Variants in MAPK10 observed in about 807,000 individuals in gnomAD.
MAPK10 encodes JNK3 alpha protein kinase.
Under a neutral mutation model 59.3 loss-of-function variants are expected in MAPK10, and 25 were observed. The observed-to-expected ratio is 0.42, with a 90% CI of 0.31 to 0.59. The LOEUF (loss-of-function observed/expected upper bound fraction) is 0.59. MAPK10 is among the 20% of genes least tolerant of loss of function. The pLI is 0.15. For missense variants in MAPK10, 351 were observed against 568.9 expected (o/e 0.62, Z 3.90); for synonymous variants, 190 against 200.5 (o/e 0.95, Z 0.44).
At chr4:86,104,215 T>C (rs2056117036) in intron 5 of MAPK10, among the ~76,000 whole-genome samples, 1 of 152,090 alleles carries the variant, frequency 6.6e-6, no homozygotes, top group Admixed American at 6.6e-5. Flanking sequence ...TATGGAATGT[T>C]TTATGTCTCA....
intron 4 of MAPK10, among the ~76,000 whole-genome samples, chr4:86,113,911 C>A (rs1237702304): frequency 6.6e-6 from 1 of 152,106 alleles, no homozygotes; most frequent in Non-Finnish European, 1.5e-5. Context: ...TTGTTCATTC[C>A]TTTTCATTCT....
At chr4:86,359,300 G>C (rs1428402188) in intron 1 of MAPK10, among the ~76,000 whole-genome samples, 1,007 of 84,722 alleles carry the variant, frequency 0.012, 9 homozygotes, top group South Asian at 0.019. Context: ...GTGTGTGTGT[G>C]TGTGTGTGTG....
At chr4:86,134,366 C>G (rs2061520194) in intron 4 of MAPK10, among the ~76,000 whole-genome samples, 1 of 152,104 alleles carries the variant, frequency 6.6e-6, no homozygotes, top group South Asian at 2.1e-4. Context: ...TCTAGCCAGC[C>G]AGACAAATTG....
chr4:86,272,374 C>T (rs2094459539), intron 2 of MAPK10, among the ~76,000 whole-genome samples: 2 of 151,722 alleles, frequency 1.3e-5, no homozygotes, highest in African/African-American at 4.8e-5. Context: ...ATAATTAATT[C>T]CTCTCTAAAA....
intron 1 of MAPK10, among the ~76,000 whole-genome samples, chr4:86,446,631 T>C (rs758016443): frequency 3.3e-5 from 5 of 152,202 alleles, no homozygotes; most frequent in Non-Finnish European, 7.3e-5. Context: ...TCTCTCTCTC[T>C]GCTAAGCATT....
intron 2 of MAPK10, among the ~76,000 whole-genome samples, chr4:86,324,725 CATT>C (rs1246349922): frequency 6.6e-6 from 1 of 152,158 alleles, no homozygotes; most frequent in African/African-American, 2.4e-5. Flanking sequence ...TCATAAAGAG[CATT>C]ATTAATAAAC....
At chr4:86,446,921 T>G (rs1185188102) in intron 1 of MAPK10, among the ~76,000 whole-genome samples, 1 of 152,194 alleles carries the variant, frequency 6.6e-6, no homozygotes, top group African/African-American at 2.4e-5. Context: ...TAAGAGTCCT[T>G]CATATATTCT....
intron 4 of MAPK10, among the ~76,000 whole-genome samples, chr4:86,146,982 A>G (rs1360966861): frequency 6.6e-6 from 1 of 152,234 alleles, no homozygotes; most frequent in Non-Finnish European, 1.5e-5. Flanking sequence ...ATGAGTCAGT[A>G]ACTCAATAAA....
At chr4:86,355,274 T>C (rs1157792727) in intron 1 of MAPK10, among the ~76,000 whole-genome samples, 1 of 152,100 alleles carries the variant, frequency 6.6e-6, no homozygotes, top group Non-Finnish European at 1.5e-5. Context: ...TTGGAAAATA[T>C]GGTCATCATA....
At chr4:86,417,113 G>A (rs1745955462) in intron 1 of MAPK10, among the ~76,000 whole-genome samples, 1 of 152,158 alleles carries the variant, frequency 6.6e-6, no homozygotes, top group Non-Finnish European at 1.5e-5. Flanking sequence ...CATAGAATTA[G>A]TAAAGCTTCT....
chr4:86,044,859 C>A, intron 11 of MAPK10: 1 of 396,534 alleles, frequency 2.5e-6, no homozygotes, highest in Non-Finnish European at 4.5e-6. Context: ...AGATTTTCAT[C>A]TACTGCTTTA....
intron 1 of MAPK10, among the ~76,000 whole-genome samples, chr4:86,433,097 C>T (rs1748254765): frequency 6.6e-6 from 1 of 152,110 alleles, no homozygotes; most frequent in Non-Finnish European, 1.5e-5. Context: ...TTGTAACCAG[C>T]CAGAATTCTG....
intron 2 of MAPK10, chr4:86,300,759 G>A (rs935076847): frequency 3.9e-5 from 6 of 152,210 alleles, no homozygotes; most frequent in Admixed American, 3.3e-4. Context: ...CCTGGAATGT[G>A]GGGCTACCGG....
chr4:86,458,580 A>T (rs1177420280), intron 1 of MAPK10, among the ~76,000 whole-genome samples: 1 of 152,242 alleles, frequency 6.6e-6, no homozygotes. Flanking sequence ...ATATAGACCA[A>T]TGTAATAGAA....
intron 13 of MAPK10, 40 bp downstream of exon 13, chr4:86,029,157 A>G (rs764115568): frequency 1.5e-6 from 2 of 1,368,456 alleles, no homozygotes; most frequent in Non-Finnish European, 2.1e-6. Flanking sequence ...AAGAAATTAC[A>G]CAAGTACTAG....
At chr4:86,557,511 T>C (rs1393716274) in intron 1 of MAPK10, among the ~76,000 whole-genome samples, 2 of 152,110 alleles carry the variant, frequency 1.3e-5, no homozygotes, top group Non-Finnish European at 2.9e-5. Flanking sequence ...TTTGTCCAAC[T>C]GAGCAATCAA....
At chr4:86,413,330 G>A (rs1344544656) in intron 1 of MAPK10, among the ~76,000 whole-genome samples, 1 of 152,172 alleles carries the variant, frequency 6.6e-6, no homozygotes, top group African/African-American at 2.4e-5. Flanking sequence ...GGCCCCTACT[G>A]GGAGGTTTCT....
chr4:86,152,210 G>A (rs181365152), intron 4 of MAPK10: 1 of 152,276 alleles, frequency 6.6e-6, no homozygotes, highest in East Asian at 1.9e-4. Context: ...GATTGAGAGT[G>A]AAATCATGAT....
chr4:86,521,462 G>C (rs1757103111), intron 1 of MAPK10, among the ~76,000 whole-genome samples: 1 of 152,100 alleles, frequency 6.6e-6, no homozygotes, highest in Non-Finnish European at 1.5e-5. Context: ...TTCTTTCTGG[G>C]TGAGGCTTGT....
Sources: gnomAD v4.1 joint callset for allele counts (sites outside exome capture counted in the v4.1 genomes callset) on GRCh38, gnomAD v4.1.1 for gene constraint, MANE v1.5 for transcripts, NCBI Gene and HGNC (gene_info 2026-07-23, HGNC 2026-07-21) for gene names.